The following TTN variants were observed in gnomAD, a reference collection of about 807,000 sequenced individuals.
TTN encodes titin.
In TTN, 1,525 loss-of-function variants were observed where a neutral mutation model predicts 3,223.0. The ratio of observed to expected loss-of-function variants is 0.47; its 90% CI spans 0.45 to 0.49. TTN has a LOEUF of 0.49. TTN is among the 20% of genes least tolerant of loss of function. The pLI, the probability that TTN is intolerant of heterozygous loss-of-function variation, is 0.00. For missense variants in TTN, 40,786 were observed against 43,424.0 expected, an observed-to-expected ratio of 0.94 and a Z score of 5.40; for synonymous variants, 14,094 against 15,161.0, an observed-to-expected ratio of 0.93 and a Z score of 5.17.
Position 178,533,831 on chromosome 2 carries a change from G to T in TTN, c.102784C>A (p.Leu34262Met). The T allele has an allele frequency of 6.2e-7, 1 of 1,613,930 alleles. No individual in the cohort carries two copies. The highest frequency in any genetic ancestry group is 8.5e-7 in the Non-Finnish European group (1 of 1,179,860). The change falls in exon 358 of 363, where the codon CTG (leucine) becomes ATG (methionine). Residue 34262 changes from leucine to methionine, a missense_variant. Physicochemically the swap from Leu to Met is conservative, Grantham distance 15 (BLOSUM62 2). Coordinates refer to ENST00000589042, the MANE Select transcript of TTN (RefSeq NM_001267550.2). ...RLLERPPEFTLPLYNKTAYVG... is the reference protein window; with the variant it reads ...RLLERPPEFTMPLYNKTAYVG... ...TAAGCTGTCTTATTATAGAGAGGCAGGGTAAATTCTGGTGGCCTTTCCAGG... is the reference window on the plus strand; with the variant it reads ...TAAGCTGTCTTATTATAGAGAGGCATGGTAAATTCTGGTGGCCTTTCCAGG...
Position 178,528,307 on chromosome 2 carries a change from G to A in TTN, c.107344C>T (p.Gln35782Ter). The change falls in exon 361 of 363, where the codon CAG becomes TAG. Residue 35782 changes from glutamine (Q) to a stop codon, truncating the protein, a stop_gained. Transcript: ENST00000589042. LOFTEE classifies it high-confidence loss of function. Reference protein sequence around the residue: ...YTIKAKNFRGQCSATASLMVL... With the variant: ...YTIKAKNFRG ...ATTAAGGAAGCTGTAGCTGAACACT[G>A]GCCACGGAAATTTTTGGCCTTAATT... is the stretch of plus-strand genomic sequence containing the variant. 1 of 1,613,890 alleles carries A rather than the reference G, an allele frequency of 6.2e-7. No homozygotes were observed. Among genetic ancestry groups the A allele is most frequent in the Non-Finnish European group, 8.5e-7 (1 of 1,179,838 alleles).
chr2:178,560,333 A>G lies in TTN; in HGVS notation c.85799T>C (p.Val28600Ala). 1 of 1,613,752 alleles carries G rather than the reference A, an allele frequency of 6.2e-7. No individual in the cohort carries two copies. The highest frequency in any genetic ancestry group is 1.3e-5 in the African/African-American group (1 of 75,022). Residue 28600 changes from valine (V) to alanine (A), a missense_variant, in exon 326 of 363, where the codon GTA becomes GCA. Physicochemically the swap from Val to Ala is moderately conservative, Grantham distance 64. Transcript: ENST00000589042. ...TAGATCATAAACTGGTTTTTTGTTT[A>G]CACGCACCCATCTTAGGCTATTTTT... ...REKNSLRWVRVNKKPVYDLRV... is the reference protein window; with the variant it reads ...REKNSLRWVRANKKPVYDLRV...
In TTN at chr2:178,695,325, T is replaced by C. The variant is rs1487151695; in HGVS notation, c.31270+23A>G. 4 of 1,599,310 alleles carry C rather than the reference T, an allele frequency of 2.5e-6. No individual in the cohort carries two copies. In the African/African-American group the frequency reaches 5.4e-5, roughly 21 times the overall value. ...ATAATGATGTTGATGCTCTAGTCTA[T>C]TTAAATATTTCTAATTACTTACCTT... On this transcript the variant is annotated intron_variant, in intron 115 of 362. Coordinates refer to ENST00000589042, the MANE Select transcript of TTN (RefSeq NM_001267550.2).
Position 178,775,757 on chromosome 2 carries a change from T to C in TTN, c.6107A>G (p.Asp2036Gly). The change falls in exon 28 of 363, where the codon GAT becomes GGT. Residue 2036 changes from aspartate to glycine, a missense_variant. Physicochemically the swap from Asp to Gly is moderately conservative, Grantham distance 94 (BLOSUM62 -1). Transcript: ENST00000589042. Reference sequence around the variant, plus strand: ...CTCTTTGGTCCAGTGGAGAAGTTCATCTTTTGTCTTCCTGAGGAGTTCCTC... The same window carrying C: ...CTCTTTGGTCCAGTGGAGAAGTTCACCTTTTGTCTTCCTGAGGAGTTCCTC... ...SYEELLRKTK[D>G]ELLHWTKELT... 6.2e-7 allele frequency: 1 copy of C among 1,613,874 alleles called. No individual in the cohort carries two copies. The highest frequency in any genetic ancestry group is 8.5e-7 in the Non-Finnish European group (1 of 1,179,948).
intron 47 of TTN, chr2:178,745,907 C>T (rs1259351391): frequency 6.2e-7 from 1 of 1,609,328 alleles, no homozygotes. Context: ...TGTGTAGTTG[C>T]TCTTTAAGAC....
In TTN at chr2:178,636,396, A is replaced by T; in HGVS notation, c.41329+2T>A. On this transcript the variant is annotated splice_donor_variant, in intron 225 of 362. Transcript: ENST00000589042. LOFTEE classifies it high-confidence loss of function. The surrounding 1 kb of genome is among the most constrained non-coding windows in gnomAD (Gnocchi z 4.3). The stretch of plus-strand genomic sequence containing the variant: ...GATTATGTTCAGAAGACTAGAAATT[A>T]CCTTCTACAACAAGTTTAGCCGTGG... 6.3e-7 allele frequency: 1 copy of T among 1,598,270 alleles called. No individual in the cohort carries two copies. The highest frequency in any genetic ancestry group is 1.1e-5 in the South Asian group (1 of 88,650).
rs1185795292 is a variant in TTN at position 178,557,776 on chromosome 2, G to C, written c.87578C>G (p.Ala29193Gly). Reference sequence around the variant, plus strand: ...TTTCATGACTTTCATCATGGTTCTTGCAACTGTTGCAGACACTTCAGTCCA... The same window carrying C: ...TTTCATGACTTTCATCATGGTTCTTCCAACTGTTGCAGACACTTCAGTCCA... ...AVWTEVSATV[A>G]RTMMKVMKLT... The change falls in exon 328 of 363, where the codon GCA becomes GGA. Residue 29193 changes from alanine (A) to glycine (G), a missense_variant. By Grantham distance (60) the Ala-to-Gly change is moderately conservative. Transcript: ENST00000589042. 6.2e-7 allele frequency: 1 copy of C among 1,613,852 alleles called. No individual in the cohort carries two copies.
intron 214 of TTN, 118 bp from the exon 215 acceptor site, chr2:178,647,262 AC>A (rs1163775450): frequency 2.1e-5 from 27 of 1,261,370 alleles, no homozygotes; most frequent in Non-Finnish European, 2.7e-5. Context: ...TATTCAGATG[AC>A]CCCCCAAATA....
chr2:178,694,830 T>C lies in TTN; in HGVS notation c.31347A>G (p.Lys10449=), dbSNP rs1466361938. The C allele has an allele frequency of 3.2e-6, 5 of 1,556,300 alleles. No homozygotes were observed. Among genetic ancestry groups the C allele is most frequent in the Non-Finnish European group, 4.4e-6 (5 of 1,148,040 alleles). The change falls in exon 116 of 363, where the codon AAA becomes AAG. Residue 10449 remains lysine (K), a splice_region_variant and synonymous_variant. Coordinates refer to ENST00000589042, the MANE Select transcript of TTN (RefSeq NM_001267550.2). ...TGCTAGGAATGTTTTAAATAATACCTTTGGTGACTTGAACTTTTTCTTCCT... is the reference window on the plus strand; with the variant it reads ...TGCTAGGAATGTTTTAAATAATACCCTTGGTGACTTGAACTTTTTCTTCCT... ...RMEEEKVQVT[K]VPEVSKKIVP...
rs2154131298 is a variant in TTN, at chr2:178,528,758, TG to T, written c.106992del (p.Lys35665SerfsTer14). 6.2e-7 allele frequency: 1 copy of T among 1,613,108 alleles called. No individual in the cohort carries two copies. Reference protein sequence around the residue: ...GVSGSDQTLTIKQASHRDEGI... With the variant: ...GVSGSDQTLTXKQASHRDEGI... ...CCTTCATCTCTGTGACTGGCTTGCT[TG>T]ATGGTTAGGGTCTGATCGCTGCCTG... On this transcript the variant is annotated frameshift_variant, in exon 360 of 363. Transcript: ENST00000589042. LOFTEE classifies it high-confidence loss of function.
At position 178,713,381 on chromosome 2, in the gene TTN, T is replaced by TACAAA. The variant is rs71393436; in HGVS notation, c.26762-14_26762-10dup. The TACAAA allele has an allele frequency of 0.19, 285,895 of 1,468,510 alleles. 32,223 individuals carry two copies. The highest frequency in any genetic ancestry group is 0.46 in the East Asian group (17,928 of 39,368). The allele number at this position is 1,468,510 out of a possible 1,614,324, so 91.0% of individuals were successfully genotyped here. On this transcript the variant is annotated splice_polypyrimidine_tract_variant and intron_variant, in intron 92 of 362. Coordinates refer to ENST00000589042, the MANE Select transcript of TTN (RefSeq NM_001267550.2). ...AGGAGGAACGGTTCGGTCTGAATGA[T>TACAAA]ACAAAACAAAACAAAACAAAACAAA... is the stretch of plus-strand genomic sequence containing the variant.
chr2:178,649,830 T>C lies in TTN; in HGVS notation c.39882A>G (p.Ala13294=), dbSNP rs933885965. 1.4e-5 allele frequency: 22 copies of C among 1,612,216 alleles called. No homozygotes were observed. The Admixed American group carries it at 3.2e-4, about 23-fold the overall frequency. The change falls in exon 211 of 363, where the codon GCA becomes GCG. Residue 13294 remains alanine (A), a synonymous_variant. Coordinates refer to ENST00000589042, the MANE Select transcript of TTN (RefSeq NM_001267550.2). ...KKVPVIKKPE[A]PPPKEPEMPK... is the part of the protein sequence containing the mutation. ...TAACATGAGTACCTTTAGGAGGCGGTGCTTCTGGTTTTTTGATGACAGGAA... is the reference window on the plus strand; with the variant it reads ...TAACATGAGTACCTTTAGGAGGCGGCGCTTCTGGTTTTTTGATGACAGGAA...
chr2:178,774,100 A>C lies in TTN; in HGVS notation c.7068T>G (p.Ile2356Met). ...TCKLKMKPRP[I>M]AILQGLSDQK... Reference sequence around the variant, plus strand: ...GGTCACTAAGTCCTTGTAGGATAGCAATGGGGCGGGCTGTGAAATATGGGG... The same window carrying C: ...GGTCACTAAGTCCTTGTAGGATAGCCATGGGGCGGGCTGTGAAATATGGGG... The change falls in exon 31 of 363, where the codon ATT (isoleucine) becomes ATG (methionine). Residue 2356 changes from isoleucine (I) to methionine (M), a missense_variant. Ile to Met is a conservative substitution (Grantham distance 10). Coordinates refer to ENST00000589042, the MANE Select transcript of TTN (RefSeq NM_001267550.2). The C allele has an allele frequency of 6.2e-7, 1 of 1,614,082 alleles. No homozygotes were observed. The highest frequency in any genetic ancestry group is 1.1e-5 in the South Asian group (1 of 91,080).
Position 178,712,752 on chromosome 2 carries a change from G to C in TTN, c.27273C>G (p.Cys9091Trp), listed in dbSNP as rs375546576. Residue 9091 changes from cysteine to tryptophan, a missense_variant, in exon 94 of 363, where the codon TGC becomes TGG. By Grantham distance (215) the Cys-to-Trp change is radical. Coordinates refer to ENST00000589042, the MANE Select transcript of TTN (RefSeq NM_001267550.2). ...CCTTGCCAGCTTCATTGCTAACTAT[G>C]CAAGTATATTCTCCACTTTGTGATG... ...VDTSQSGEYT[C>W]IVSNEAGKAS... 6.2e-7 allele frequency: 1 copy of C among 1,613,828 alleles called. No individual in the cohort carries two copies. Among genetic ancestry groups the C allele is most frequent in the African/African-American group, 1.3e-5 (1 of 75,042 alleles).
Position 178,739,960 on chromosome 2 carries a change from C to A in TTN, c.13273G>T (p.Val4425Leu), listed in dbSNP as rs766478555. The A allele has an allele frequency of 6.2e-7, 1 of 1,613,886 alleles. No individual in the cohort carries two copies. Among genetic ancestry groups the A allele is most frequent in the South Asian group, 1.1e-5 (1 of 91,070 alleles). The change falls in exon 48 of 363, where the codon GTG becomes TTG. Residue 4425 changes from valine (V) to leucine (L), a missense_variant. By Grantham distance (32) the Val-to-Leu change is conservative. Coordinates refer to ENST00000589042, the MANE Select transcript of TTN (RefSeq NM_001267550.2). ...GTGATGTTTACAGCCTCGACCTCCA[C>A]CTTTTCAATATTTCTTAGCCACTCA... ...FSEWLRNIEK[V>L]EVEAVNITQE...
At position 178,639,953 on chromosome 2, in the gene TTN, A is replaced by G. The variant is rs909778942; in HGVS notation, c.40786+95T>C. On this transcript the variant is annotated intron_variant, in intron 222 of 362. Coordinates refer to ENST00000589042, the MANE Select transcript of TTN (RefSeq NM_001267550.2). ...TGAGACGTTAGAAATCATTTGATAC[A>G]TACTGACTTTCACCTACTATCTTTT... 2.0e-6 allele frequency: 3 copies of G among 1,499,884 alleles called. No individual in the cohort carries two copies. In the African/African-American group the frequency reaches 4.2e-5, roughly 21 times the overall value. 92.9% of individuals were successfully genotyped at this position (1,499,884 alleles called of 1,614,324 possible).
chr2:178,575,214 G>T lies in TTN; in HGVS notation c.70918C>A (p.Gln23640Lys), dbSNP rs547376963. Residue 23640 changes from glutamine to lysine, a missense_variant, in exon 326 of 363, where the codon CAG (glutamine) becomes AAG (lysine). By Grantham distance (53) the Gln-to-Lys change is moderately conservative (BLOSUM62 1). Coordinates refer to ENST00000589042, the MANE Select transcript of TTN (RefSeq NM_001267550.2). This position sits in a 1 kb window ranked among gnomAD's most constrained non-coding sequence, Gnocchi z 4.0. ...CCAGCTTTGGCAATGACCAGTTTCT[G>T]ATAGATGCCACGGAGATCCAGCTCT... ...LPELDLRGIY[Q>K]KLVIAKAGDN... 2 of 1,612,816 alleles carry T rather than the reference G, an allele frequency of 1.2e-6. No homozygotes were observed. Among genetic ancestry groups the T allele is most frequent in the Non-Finnish European group, 1.7e-6 (2 of 1,179,404 alleles).
At position 178,612,314 on chromosome 2, in the gene TTN, G is replaced by A. The variant is rs577041683; in HGVS notation, c.50211C>T (p.Thr16737=). The change falls in exon 266 of 363, where the codon ACC becomes ACT. Residue 16737 remains threonine (T), a synonymous_variant. Transcript: ENST00000589042. ...TGGCCAGCACAGAGTCCTCAATTTC[G>A]GTGTAGTCGCTTTGTCCTATAGCAT... ...AENAIGQSDY[T]EIEDSVLAKD... The A allele has an allele frequency of 1.3e-5, 21 of 1,612,498 alleles. No homozygotes were observed. The highest frequency in any genetic ancestry group is 5.0e-5 in the Admixed American group (3 of 59,934).
At chr2:178,707,080 A>G (rs553356917) in intron 100 of TTN, 126 bp from the exon 101 acceptor site, 2 of 780,762 alleles carry the variant, frequency 2.6e-6, no homozygotes, top group East Asian at 2.7e-5. Flanking sequence ...TTCTCTTTCT[A>G]TGTAAGGGTG....
Sources: gnomAD v4.1 joint callset for allele counts on GRCh38, gnomAD v4.1.1 for gene constraint, Gnocchi (gnomAD v3.1) non-coding constraint, MANE v1.5 for transcripts, NCBI Gene and HGNC (gene_info 2026-07-23, HGNC 2026-07-21) for gene names.